Variants in PAIP2B observed in about 807,000 individuals in gnomAD.
The protein encoded by PAIP2B is poly(A) binding protein interacting protein 2B.
Under a neutral mutation model 17.0 loss-of-function variants are expected in PAIP2B, and 13 were observed. That is an observed-to-expected ratio of 0.76 (90% confidence interval 0.50 to 1.22). The LOEUF (loss-of-function observed/expected upper bound fraction) is 1.22, where lower values mean the gene tolerates loss of function less well. PAIP2B is among the 50% of genes most tolerant of loss of function. PAIP2B has a pLI of 0.00. For missense variants in PAIP2B, 117 were observed against 144.5 expected, an observed-to-expected ratio of 0.81 and a Z score of 0.98; for synonymous variants, 43 against 48.7, an observed-to-expected ratio of 0.88 and a Z score of 0.48.
chr2:71,212,169 T>C (rs1675318110), intron 1 of PAIP2B, among the ~76,000 whole-genome samples: 1 of 152,232 alleles, frequency 6.6e-6, no homozygotes, highest in African/African-American at 2.4e-5. Flanking sequence ...TTCAGACTGA[T>C]GTGATGACAA....
At chr2:71,194,162 G>A (rs755963434) in intron 2 of PAIP2B, among the ~76,000 whole-genome samples, 14 of 152,140 alleles carry the variant, frequency 9.2e-5, no homozygotes, top group Admixed American at 3.9e-4. Context: ...GATGCCCTCA[G>A]CTTTGTTCTT....
chr2:71,225,319 G>C (rs1039203751), intron 1 of PAIP2B, among the ~76,000 whole-genome samples: 7 of 152,130 alleles, frequency 4.6e-5, no homozygotes. Context: ...TTTTACCACA[G>C]TAAAATACAA....
chr2:71,225,033 C>A (rs1675684580), intron 1 of PAIP2B, among the ~76,000 whole-genome samples: 1 of 152,162 alleles, frequency 6.6e-6, no homozygotes, highest in Non-Finnish European at 1.5e-5. Context: ...GTTTTAAGAT[C>A]TTACTCTTTT....
rs1466875729 is a variant in PAIP2B, at chr2:71,183,073, T to TG, written c.*5405dup. On this transcript the variant is annotated 3_prime_UTR_variant, in exon 4 of 4. Transcript: ENST00000244221. ...GAGCTGAGCAGCCCTGCACAGACCC[T>TG]GGGGGGCTTCCTGTTCCACAAGCTC... The TG allele has an allele frequency of 2.7e-5, 2 of 75,014 alleles. No homozygotes were observed. The highest frequency in any genetic ancestry group is 1.1e-4 in the African/African-American group (2 of 18,316). 4.6% of individuals were successfully genotyped at this position (75,014 alleles called of 1,614,324 possible).
In PAIP2B at chr2:71,188,146, T is replaced by A. The variant is rs1674590201; in HGVS notation, c.*333A>T. On this transcript the variant is annotated 3_prime_UTR_variant, in exon 4 of 4. Transcript: ENST00000244221. ...GAGGGGCATTTCCTAAATATCCAGT[T>A]TTTCTTAGTCAGCTTATTTTGTTTA... 1 of 256,116 alleles carries A rather than the reference T, an allele frequency of 3.9e-6. No homozygotes were observed. The highest frequency in any genetic ancestry group is 7.5e-6 in the Non-Finnish European group (1 of 133,946). The allele number at this position is 256,116 out of a possible 1,614,324, so 15.9% of individuals were successfully genotyped here.
In PAIP2B at chr2:71,202,606, G is replaced by C. The variant is rs751405189; in HGVS notation, c.-11-6C>G. 1 of 1,602,342 alleles carries C rather than the reference G, an allele frequency of 6.2e-7. No individual in the cohort carries two copies. Among genetic ancestry groups the C allele is most frequent in the South Asian group, 1.1e-5 (1 of 89,720 alleles). The stretch of plus-strand genomic sequence containing the variant: ...TCCATTCATTATGATGGAACCTAAA[G>C]AGAAGCAAAAGAAAAGATAAAATGA... On this transcript the variant is annotated splice_region_variant and splice_polypyrimidine_tract_variant and intron_variant, in intron 1 of 3. Transcript: ENST00000244221.
In PAIP2B at chr2:71,202,548, T is replaced by A; in HGVS notation, c.42A>T (p.Lys14Asn). The A allele has an allele frequency of 6.2e-7, 1 of 1,613,812 alleles. No homozygotes were observed. The highest frequency in any genetic ancestry group is 8.5e-7 in the Non-Finnish European group (1 of 1,179,740). Residue 14 changes from lysine to asparagine, a missense_variant, in exon 2 of 4, where the codon AAA (lysine) becomes AAT (asparagine). Physicochemically the swap from Lys to Asn is moderately conservative, Grantham distance 94 (BLOSUM62 0). Coordinates refer to ENST00000244221, the MANE Select transcript of PAIP2B (RefSeq NM_020459.1). ...CACTTAACCCCTGGTCCTCTTTGGA[T>A]TTTACACTCGGTGATGTATTTGCCA... The part of the protein sequence containing the change: ...SNMANTSPSV[K>N]SKEDQGLSGH...
At chr2:71,193,837 A>C (rs79096108) in intron 2 of PAIP2B, among the ~76,000 whole-genome samples, 2 of 147,300 alleles carry the variant, frequency 1.4e-5, no homozygotes, top group African/African-American at 2.5e-5. Flanking sequence ...ACTCTGTCCC[A>C]AAAAAAAAAA....
At chr2:71,216,553 T>C (rs1316931743) in intron 1 of PAIP2B, among the ~76,000 whole-genome samples, 6 of 152,212 alleles carry the variant, frequency 3.9e-5, no homozygotes, top group Admixed American at 3.9e-4. Flanking sequence ...TCTTCTAGAG[T>C]TCTACAATTT....
chr2:71,194,921 A>G (rs759756705), intron 2 of PAIP2B, among the ~76,000 whole-genome samples: 5 of 152,182 alleles, frequency 3.3e-5, no homozygotes, highest in Non-Finnish European at 7.3e-5. Flanking sequence ...TAGTTTATTG[A>G]GAGTTTTAAA....
At chr2:71,224,823 A>C (rs1347319882) in intron 1 of PAIP2B, among the ~76,000 whole-genome samples, 2 of 152,248 alleles carry the variant, frequency 1.3e-5, no homozygotes, top group African/African-American at 4.8e-5. Context: ...AGAGTCCTCT[A>C]AATTTGCAAA....
In PAIP2B at chr2:71,184,187, T is replaced by C. The variant is rs182684363; in HGVS notation, c.*4292A>G. 4.6e-5 allele frequency: 7 copies of C among 152,308 alleles called. No homozygotes were observed. The highest frequency in any genetic ancestry group is 1.9e-4 in the East Asian group (1 of 5,184). 9.4% of individuals were successfully genotyped at this position (152,308 alleles called of 1,614,324 possible). ...AAAAGTAGCCAATAGGAAGGTAAGA[T>C]TGGGGAGAAAGCTCAGTAAATGTCA... On this transcript the variant is annotated 3_prime_UTR_variant, in exon 4 of 4. Coordinates refer to ENST00000244221, the MANE Select transcript of PAIP2B (RefSeq NM_020459.1).
chr2:71,221,534 C>T (rs917807674), intron 1 of PAIP2B, among the ~76,000 whole-genome samples: 1 of 152,134 alleles, frequency 6.6e-6, no homozygotes, highest in South Asian at 2.1e-4. Context: ...GAACAAATAA[C>T]CACACTATAA....
intron 1 of PAIP2B, among the ~76,000 whole-genome samples, chr2:71,208,594 C>G (rs1033398322): frequency 6.6e-6 from 1 of 152,058 alleles, no homozygotes; most frequent in African/African-American, 2.4e-5. Context: ...GTAGCCCCCC[C>G]AAAAATATGT....
At chr2:71,203,256 T>G (rs1675032347) in intron 1 of PAIP2B, among the ~76,000 whole-genome samples, 1 of 152,124 alleles carries the variant, frequency 6.6e-6, no homozygotes, top group Non-Finnish European at 1.5e-5. Flanking sequence ...ATCATTTGCT[T>G]TTTCTCATTC....
At chr2:71,197,344 C>T (rs966116704) in intron 2 of PAIP2B, among the ~76,000 whole-genome samples, 2 of 152,158 alleles carry the variant, frequency 1.3e-5, no homozygotes, top group African/African-American at 4.8e-5. Flanking sequence ...TATAGTCCCC[C>T]AGTCTCTTCT....
intron 1 of PAIP2B, among the ~76,000 whole-genome samples, chr2:71,206,463 T>C (rs539075607): frequency 6.6e-6 from 1 of 152,314 alleles, no homozygotes; most frequent in South Asian, 2.1e-4. Flanking sequence ...TAATAGTCAA[T>C]ACAGGGGTGC....
chr2:71,193,627 G>A (rs1206796452), intron 2 of PAIP2B, among the ~76,000 whole-genome samples: 1 of 152,130 alleles, frequency 6.6e-6, no homozygotes, highest in Non-Finnish European at 1.5e-5. Flanking sequence ...GCTGAGGCAG[G>A]CAGATCATGA....
chr2:71,192,890 T>C (rs113809193), intron 2 of PAIP2B, among the ~76,000 whole-genome samples: 6,121 of 152,346 alleles, frequency 0.04, 153 homozygotes, highest in African/African-American at 0.06. Context: ...TGAACAGTGC[T>C]GCAATGAACA....
Sources: gnomAD v4.1 joint callset for allele counts (sites outside exome capture counted in the v4.1 genomes callset) on GRCh38, gnomAD v4.1.1 for gene constraint, MANE v1.5 for transcripts, NCBI Gene and HGNC (gene_info 2026-07-23, HGNC 2026-07-21) for gene names.